Variants in SLC39A4 observed in about 807,000 individuals in gnomAD.
The protein encoded by SLC39A4 is zinc transporter ZIP4.
A neutral mutation model predicts 56.6 loss-of-function variants in SLC39A4; 49 were observed. The observed-to-expected ratio is 0.87, with a 90% CI of 0.69 to 1.10. The LOEUF (loss-of-function observed/expected upper bound fraction) is 1.10. Among genes scored for constraint, SLC39A4 ranks in the 50% least tolerant of loss-of-function variants. SLC39A4 has a pLI of 0.00. For missense variants in SLC39A4, 993 were observed against 864.2 expected (o/e 1.15, Z -1.87); for synonymous variants, 540 against 420.4 (o/e 1.28, Z -3.48).
intron 4 of SLC39A4, 25 bp downstream of exon 4, chr8:144,414,949 C>T (rs922233568): frequency 6.2e-7 from 1 of 1,613,024 alleles, no homozygotes; most frequent in Non-Finnish European, 8.5e-7. Context: ...GGTGAGGCCC[C>T]ATCTTACCCC....
chr8:144,416,516 C>T lies in SLC39A4; in HGVS notation c.192+82G>A, dbSNP rs1822205352. The T allele has an allele frequency of 4.6e-6, 7 of 1,517,036 alleles. No individual in the cohort carries two copies. In the African/African-American group the frequency reaches 8.3e-5, roughly 18 times the overall value. The allele number at this position is 1,517,036 out of a possible 1,614,324, so 94.0% of individuals were successfully genotyped here. A position where few individuals can be genotyped will look rare whatever the true frequency, so the allele number is the denominator to read the frequency against. On this transcript the variant is annotated intron_variant, in intron 1 of 11. Coordinates refer to ENST00000301305, the MANE Select transcript of SLC39A4 (RefSeq NM_130849.4). Reference sequence around the variant, plus strand: ...CCTCCTCCGCCTCCTGGAGTTTGCCCAGGGCCCTTTGCTGCCGGCTGGCAG... The same window carrying T: ...CCTCCTCCGCCTCCTGGAGTTTGCCTAGGGCCCTTTGCTGCCGGCTGGCAG...
intron 8 of SLC39A4, 46 bp downstream of exon 8, chr8:144,413,704 G>A: frequency 6.5e-7 from 1 of 1,535,556 alleles, no homozygotes; most frequent in Non-Finnish European, 8.7e-7. Flanking sequence ...GGAAGGGGTC[G>A]GTGGGAGGGG....
At position 144,415,965 on chromosome 8, in the gene SLC39A4, G is replaced by T. The variant is rs1822173974; in HGVS notation, c.319C>A (p.Pro107Thr). 6.3e-7 allele frequency: 1 copy of T among 1,595,300 alleles called. No individual in the cohort carries two copies. Among genetic ancestry groups the T allele is most frequent in the Non-Finnish European group, 8.5e-7 (1 of 1,173,320 alleles). The part of the protein sequence containing the change: ...SAAAVLYLSN[P>T]EGTCEDARAG... Reference sequence around the variant, plus strand: ...CGAGCGTCCTCACAGGTGCCCTCGGGGTTGCTGAGGTACAGGACGGCGGCG... The same window carrying T: ...CGAGCGTCCTCACAGGTGCCCTCGGTGTTGCTGAGGTACAGGACGGCGGCG... The change falls in exon 2 of 12, where the codon CCC becomes ACC. Residue 107 changes from proline (P) to threonine (T), a missense_variant. By Grantham distance (38) the Pro-to-Thr change is conservative. Coordinates refer to ENST00000301305, the MANE Select transcript of SLC39A4 (RefSeq NM_130849.4).
rs201946076 is a variant in SLC39A4 at position 144,414,269 on chromosome 8, G to C, written c.1142C>G (p.Thr381Arg). ...GGGTTTGTGGGGGCAGACCTTGGGC[G>C]TCAGATGCAGGACAGCGTCCCCAGT... Reference protein sequence around the residue: ...AVTGDAVLHLTPKVLGLHTHS... With the variant: ...AVTGDAVLHLRPKVLGLHTHS... The change falls in exon 6 of 12, where the codon ACG becomes AGG. Residue 381 changes from threonine to arginine, a missense_variant. Coordinates refer to ENST00000301305, the MANE Select transcript of SLC39A4 (RefSeq NM_130849.4). The C allele has an allele frequency of 3.1e-6, 5 of 1,608,704 alleles. No individual in the cohort carries two copies. The highest frequency in any genetic ancestry group is 4.2e-6 in the Non-Finnish European group (5 of 1,178,722).
chr8:144,412,853 TAG>T lies in SLC39A4; in HGVS notation c.1719_1720del (p.Tyr574ArgfsTer70), dbSNP rs782171856. The T allele has an allele frequency of 6.2e-7, 1 of 1,612,452 alleles. No homozygotes were observed. On this transcript the variant is annotated frameshift_variant, in exon 11 of 12. Transcript: ENST00000301305. LOFTEE classifies it high-confidence loss of function. ...GCTGACTCCAACCGCGAGTGCCACG[TAG>T]AGACCAGCGAAGGCCGTGAGCGCGG... is the stretch of plus-strand genomic sequence containing the variant.
In SLC39A4 at chr8:144,412,904, T is replaced by C; in HGVS notation, c.1670A>G (p.Gln557Arg). 2.5e-6 allele frequency: 4 copies of C among 1,609,236 alleles called. No individual in the cohort carries two copies. The highest frequency in any genetic ancestry group is 3.4e-6 in the Non-Finnish European group (4 of 1,179,688). The change falls in exon 11 of 12, where the codon CAA becomes CGA. Residue 557 changes from glutamine (Q) to arginine (R), a missense_variant. Physicochemically the swap from Gln to Arg is conservative, Grantham distance 43. Coordinates refer to ENST00000301305, the MANE Select transcript of SLC39A4 (RefSeq NM_130849.4). ...GGAGGCCAGGTTCAGCAGCAGTGCT[T>C]GGCGCACGGACAGCCCCGCGTGCAG... ...ALLHAGLSVR[Q>R]ALLLNLASAL...
Position 144,412,960 on chromosome 8 carries a change from C to G in SLC39A4, c.1628-14G>C. On this transcript the variant is annotated splice_polypyrimidine_tract_variant and intron_variant, in intron 10 of 11. Coordinates refer to ENST00000301305, the MANE Select transcript of SLC39A4 (RefSeq NM_130849.4). The stretch of plus-strand genomic sequence containing the variant: ...CGGCGAAGTCCCCTGCGGGCGAGTC[C>G]ACATTAACAGCTCCGCCCTCCTAGC... 1.9e-6 allele frequency: 3 copies of G among 1,585,716 alleles called. No individual in the cohort carries two copies. Among genetic ancestry groups the G allele is most frequent in the Non-Finnish European group, 2.6e-6 (3 of 1,172,210 alleles).
At position 144,416,248 on chromosome 8, in the gene SLC39A4, CCT is replaced by C. The variant is rs534920503; in HGVS notation, c.193-159_193-158del. The C allele has an allele frequency of 6.1e-3, 9,559 of 1,568,872 alleles. 47 individuals are homozygous for C. Among genetic ancestry groups the C allele is most frequent in the Non-Finnish European group, 7.5e-3 (8,678 of 1,164,516 alleles). On this transcript the variant is annotated intron_variant, in intron 1 of 11. Coordinates refer to ENST00000301305, the MANE Select transcript of SLC39A4 (RefSeq NM_130849.4). ...TGGCGCCCTTCCGTCTCCCCAGGCCCCTGTCCTGCTTCCCCAACTACAGGGGT... is the reference window on the plus strand; with the variant it reads ...TGGCGCCCTTCCGTCTCCCCAGGCCCGTCCTGCTTCCCCAACTACAGGGGT...
chr8:144,414,546 G>A, intron 5 of SLC39A4, 112 bp from the exon 6 acceptor site: 1 of 1,511,068 alleles, frequency 6.6e-7, no homozygotes, highest in Non-Finnish European at 8.9e-7. Flanking sequence ...CCCTCACTCA[G>A]GCTGACCCTC....
In SLC39A4 at chr8:144,413,402, AGGCCCGTGGGTTCGCGT is replaced by A; in HGVS notation, c.1475-30_1475-14del. 2 of 1,608,136 alleles carry A rather than the reference AGGCCCGTGGGTTCGCGT, an allele frequency of 1.2e-6. No homozygotes were observed. Among genetic ancestry groups the A allele is most frequent in the Non-Finnish European group, 1.7e-6 (2 of 1,178,448 alleles). On this transcript the variant is annotated splice_polypyrimidine_tract_variant and intron_variant, in intron 9 of 11. Transcript: ENST00000301305. ...AGTAGCCTCAACTCTGCGGGCGCAG[AGGCCCGTGGGTTCGCGT>A]GGCCTGTCGCCTACCGCCAAGCCTT... is the stretch of plus-strand genomic sequence containing the variant.
At position 144,413,313 on chromosome 8, in the gene SLC39A4, G is replaced by C. The variant is rs1256512194; in HGVS notation, c.1551C>G (p.Ala517=). 3 of 1,603,876 alleles carry C rather than the reference G, an allele frequency of 1.9e-6. No homozygotes were observed. The highest frequency in any genetic ancestry group is 2.5e-6 in the Non-Finnish European group (3 of 1,178,750). ...HNFADGLAVG[A]AFASSWKTGL... ...CGGTCTTCCAGGAGGACGCGAAGGC[G>C]GCGCCCACGGCCAGCCCGTCGGCGA... Residue 517 remains alanine (A), a synonymous_variant, in exon 10 of 12, where the codon GCC becomes GCG. Transcript: ENST00000301305.
rs142764754 is a variant in SLC39A4, at chr8:144,414,832, G to T, written c.869C>A (p.Pro290Gln). 21 of 1,613,000 alleles carry T rather than the reference G, an allele frequency of 1.3e-5. No individual in the cohort carries two copies. The highest frequency in any genetic ancestry group is 1.8e-5 in the Non-Finnish European group (21 of 1,179,960). Residue 290 changes from proline (P) to glutamine (Q), a missense_variant, in exon 5 of 12, where the codon CCG becomes CAG. Transcript: ENST00000301305. ...AGGGCTCAGTTGGGCCCAGGCCTCCGGGGTCACCCCAGCCTGTTCCGACAG... is the reference window on the plus strand; with the variant it reads ...AGGGCTCAGTTGGGCCCAGGCCTCCTGGGTCACCCCAGCCTGTTCCGACAG... ...YGLSEQAGVT[P>Q]EAWAQLSPAL...
In SLC39A4 at chr8:144,413,402, A is replaced by G; in HGVS notation, c.1475-13T>C. ...AGTAGCCTCAACTCTGCGGGCGCAG[A>G]GGCCCGTGGGTTCGCGTGGCCTGTC... On this transcript the variant is annotated splice_polypyrimidine_tract_variant and intron_variant, in intron 9 of 11. Coordinates refer to ENST00000301305, the MANE Select transcript of SLC39A4 (RefSeq NM_130849.4). The G allele has an allele frequency of 6.2e-7, 1 of 1,608,136 alleles. No individual in the cohort carries two copies. Among genetic ancestry groups the G allele is most frequent in the Non-Finnish European group, 8.5e-7 (1 of 1,178,448 alleles).
Position 144,416,810 on chromosome 8 carries a change from A to C in SLC39A4, c.-21T>G, listed in dbSNP as rs77422016. On this transcript the variant is annotated 5_prime_UTR_variant, in exon 1 of 12. Transcript: ENST00000301305. ...GCCATACTCAGCTCCCAGCGTGCTC[A>C]GTGGGTGTTGCTGTGGCCAAGGCCC... is the stretch of plus-strand genomic sequence containing the variant. 0.013 allele frequency: 21,470 copies of C among 1,605,994 alleles called. 2,079 individuals carry two copies. The East Asian group carries it at 0.23, about 17-fold the overall frequency.
Position 144,415,410 on chromosome 8 carries a change from C to G in SLC39A4, c.484G>C (p.Asp162His), listed in dbSNP as rs1822134349. Residue 162 changes from aspartate to histidine, a missense_variant, in exon 3 of 12, where the codon GAT becomes CAT. By Grantham distance (81) the Asp-to-His change is moderately conservative (BLOSUM62 -1). Coordinates refer to ENST00000301305, the MANE Select transcript of SLC39A4 (RefSeq NM_130849.4). ...AGQTPKMACV[D>H]IPQLLEEAVG... ...GCCTCCTCCAGCAGCTGAGGGATAT[C>G]TACGCAGGCCTGGGGAAGAGGGGGC... The G allele has an allele frequency of 1.2e-6, 2 of 1,601,934 alleles. No homozygotes were observed. Among genetic ancestry groups the G allele is most frequent in the South Asian group, 1.1e-5 (1 of 89,838 alleles).
In SLC39A4 at chr8:144,415,938, C is replaced by G. The variant is rs1554873854; in HGVS notation, c.346G>C (p.Ala116Pro). Residue 116 changes from alanine to proline, a missense_variant, in exon 2 of 12, where the codon GCT becomes CCT. Coordinates refer to ENST00000301305, the MANE Select transcript of SLC39A4 (RefSeq NM_130849.4). ...TCTGCATGAGAGGCCCAGAGGCCAG[C>G]CCGAGCGTCCTCACAGGTGCCCTCG... is the stretch of plus-strand genomic sequence containing the variant. Reference protein sequence around the residue: ...NPEGTCEDARAGLWASHADHL... With the variant: ...NPEGTCEDARPGLWASHADHL... 1.3e-6 allele frequency: 2 copies of G among 1,595,420 alleles called. No homozygotes were observed. The highest frequency in any genetic ancestry group is 1.7e-6 in the Non-Finnish European group (2 of 1,173,596).
Position 144,413,899 on chromosome 8 carries a change from C to G in SLC39A4, c.1288-18G>C, listed in dbSNP as rs781861129. On this transcript the variant is annotated intron_variant, in intron 7 of 11. Transcript: ENST00000301305. The stretch of plus-strand genomic sequence containing the variant: ...TCCAGGTCCTGTGAGGGTAGGTGCT[C>G]AGTGTCCACCAGGCCCCCAGCACAC... The G allele has an allele frequency of 1.2e-6, 2 of 1,609,028 alleles. No homozygotes were observed. The highest frequency in any genetic ancestry group is 4.5e-5 in the East Asian group (2 of 44,754).
Position 144,412,821 on chromosome 8 carries a change from T to C in SLC39A4, c.1753A>G (p.Ser585Gly). The stretch of plus-strand genomic sequence containing the variant: ...GCCACTGCCAGGATCCAGGCCTCGC[T>C]CTCCTCGCTGACTCCAACCGCGAGT... ...VALAVGVSEE[S>G]EAWILAVATG... The change falls in exon 11 of 12, where the codon AGC becomes GGC. Residue 585 changes from serine to glycine, a missense_variant. Coordinates refer to ENST00000301305, the MANE Select transcript of SLC39A4 (RefSeq NM_130849.4). 6.2e-7 allele frequency: 1 copy of C among 1,612,880 alleles called. No homozygotes were observed.
chr8:144,416,314 AGGGGACTCCCCT>A (rs1338983787), intron 1 of SLC39A4: 1 of 1,508,886 alleles, frequency 6.6e-7, no homozygotes, highest in Non-Finnish European at 8.8e-7. Flanking sequence ...CCCCATCCCC[AGGGGACTCCCCT>A]GGAGCCACTG....
Sources: allele counts gnomAD v4.1 joint callset, GRCh38; gene constraint gnomAD v4.1.1; transcripts MANE v1.5; gene names NCBI Gene and HGNC (gene_info 2026-07-23, HGNC 2026-07-21).